The following RASGEF1C variants were observed in gnomAD, a reference collection of about 807,000 sequenced individuals.
The protein encoded by RASGEF1C is RasGEF domain family member 1C, also known as ras-GEF domain-containing family member 1C.
RASGEF1C carries 27 observed loss-of-function variants against 58.1 expected under a neutral mutation model. The ratio of observed to expected loss-of-function variants is 0.46; its 90% CI spans 0.34 to 0.64. The LOEUF (loss-of-function observed/expected upper bound fraction) is 0.64. Among genes scored for constraint, RASGEF1C ranks in the 30% least tolerant of loss-of-function variants. RASGEF1C has a pLI of 0.01. For missense variants in RASGEF1C, 502 were observed against 605.1 expected (o/e 0.83, Z 1.79); for synonymous variants, 243 against 246.3 (o/e 0.99, Z 0.13).
At chr5:180,151,704 C>T (rs548265623) in intron 1 of RASGEF1C, among the ~76,000 whole-genome samples, 164 of 151,856 alleles carry the variant, frequency 1.1e-3, no homozygotes, top group African/African-American at 3.7e-3. Flanking sequence ...CAACAAAAGC[C>T]AAAATTGACA....
chr5:180,159,790 A>G (rs992971355), intron 1 of RASGEF1C, among the ~76,000 whole-genome samples: 1 of 152,142 alleles, frequency 6.6e-6, no homozygotes, highest in Admixed American at 6.5e-5. Context: ...TTGTTTGTTT[A>G]TTTTGACAAA....
chr5:180,122,307 C>T (rs1452008872), intron 6 of RASGEF1C, among the ~76,000 whole-genome samples: 1 of 152,126 alleles, frequency 6.6e-6, no homozygotes, highest in Admixed American at 6.5e-5. Flanking sequence ...CATATATATT[C>T]CCATGCCTTG....
At chr5:180,115,255 C>T (rs1233598023) in intron 10 of RASGEF1C, 3 of 435,530 alleles carry the variant, frequency 6.9e-6, no homozygotes, top group Non-Finnish European at 1.4e-5. Flanking sequence ...ACCTTGTGAT[C>T]TGCTCGCCTC....
chr5:180,103,170 C>A (rs906974636), intron 12 of RASGEF1C, among the ~76,000 whole-genome samples: 2 of 152,148 alleles, frequency 1.3e-5, no homozygotes, highest in African/African-American at 2.4e-5. Context: ...CTCTGCCTCC[C>A]GGGTTCACAC....
rs535917377 is a variant in RASGEF1C at position 180,198,850 on chromosome 5, G to A, written c.-7+10178C>T. Among the ~76,000 whole-genome samples, 1 of 152,228 alleles carries A rather than the reference G, an allele frequency of 6.6e-6. No individual in the cohort carries two copies. The highest frequency in any genetic ancestry group is 2.1e-4 in the South Asian group (1 of 4,824). On this transcript the variant is annotated intron_variant, in intron 1 of 13. Coordinates refer to ENST00000361132, the MANE Select transcript of RASGEF1C (RefSeq NM_175062.4). The surrounding 1 kb of genome is among the most constrained non-coding windows in gnomAD (Gnocchi z 4.5). ...GGGGGTCCTGCATGAAATGAGCCTG[G>A]CAAGGACCTTTGCCAAGAGTAGGAA...
chr5:180,116,041 C>G (rs1766060994), intron 10 of RASGEF1C, among the ~76,000 whole-genome samples: 1 of 152,064 alleles, frequency 6.6e-6, no homozygotes, highest in South Asian at 2.1e-4. Flanking sequence ...CCTCTGGGGC[C>G]TGGTCTGGGC....
chr5:180,208,893 G>T, intron 1 of RASGEF1C, 135 bp downstream of exon 1: 1 of 147,286 alleles, frequency 6.8e-6, no homozygotes, highest in South Asian at 1.9e-4. Context: ...TGCTGACCCC[G>T]GCGCACGCTC....
At chr5:180,193,574 T>C (rs1756207866) in intron 1 of RASGEF1C, among the ~76,000 whole-genome samples, 1 of 151,902 alleles carries the variant, frequency 6.6e-6, no homozygotes, top group Non-Finnish European at 1.5e-5. Flanking sequence ...TCCCATCCCC[T>C]CACAAACCAA....
chr5:180,128,338 C>T (rs1766299327), intron 5 of RASGEF1C, 72 bp downstream of exon 5: 1 of 1,396,552 alleles, frequency 7.2e-7, no homozygotes, highest in South Asian at 1.2e-5. Flanking sequence ...TCTGGGAAGC[C>T]AGGGAGGGCA....
intron 1 of RASGEF1C, among the ~76,000 whole-genome samples, chr5:180,207,427 T>C (rs937598641): frequency 3.3e-5 from 5 of 152,212 alleles, no homozygotes; most frequent in African/African-American, 9.6e-5. Flanking sequence ...CCAAGGCCCC[T>C]TGGACAAATG....
At position 180,101,164 on chromosome 5, in the gene RASGEF1C, C is replaced by G. The variant is rs959166322; in HGVS notation, c.*337G>C. The stretch of plus-strand genomic sequence containing the variant: ...TGGCACATGTCACCAAGCAAGGTCT[C>G]GAGCTTGCAGTGGTCCCACCCTCTG... On this transcript the variant is annotated 3_prime_UTR_variant, in exon 14 of 14. Coordinates refer to ENST00000361132, the MANE Select transcript of RASGEF1C (RefSeq NM_175062.4). 9.1e-6 allele frequency: 3 copies of G among 330,270 alleles called. No individual in the cohort carries two copies. Among genetic ancestry groups the G allele is most frequent in the East Asian group, 5.0e-5 (1 of 20,156 alleles). The allele number at this position is 330,270 out of a possible 1,614,324, so 20.5% of individuals were successfully genotyped here. A position where few individuals can be genotyped will look rare whatever the true frequency, so the allele number is the denominator to read the frequency against.
intron 12 of RASGEF1C, among the ~76,000 whole-genome samples, chr5:180,107,236 G>A (rs898798170): frequency 9.2e-5 from 14 of 152,030 alleles, no homozygotes; most frequent in Non-Finnish European, 1.5e-4. Context: ...CTTTTACTTG[G>A]TGTATTTAGA....
chr5:180,173,796 C>T (rs1481675151), intron 1 of RASGEF1C, among the ~76,000 whole-genome samples: 3 of 151,896 alleles, frequency 2.0e-5, no homozygotes, highest in African/African-American at 7.3e-5. Context: ...GCCTGTAATC[C>T]CAGCTGCTAG....
rs372421247 is a variant in RASGEF1C, at chr5:180,119,394, G to A, written c.859C>T (p.Arg287Cys). 140 of 1,614,126 alleles carry A rather than the reference G, an allele frequency of 8.7e-5. No individual in the cohort carries two copies. The highest frequency in any genetic ancestry group is 1.1e-4 in the Non-Finnish European group (127 of 1,179,976). ...QVIEFFIDVA[R>C]ECFNIGNFNS... ...AAGTTGCCGATGTTGAAGCACTCGC[G>A]GGCCACGTCGATGAAGAACTCAATC... The change falls in exon 8 of 14, where the codon CGC (arginine) becomes TGC (cysteine). Residue 287 changes from arginine to cysteine, a missense_variant. Arg to Cys is a radical substitution (Grantham distance 180). Coordinates refer to ENST00000361132, the MANE Select transcript of RASGEF1C (RefSeq NM_175062.4).
chr5:180,139,749 G>A (rs777733483), intron 1 of RASGEF1C, among the ~76,000 whole-genome samples: 5 of 152,258 alleles, frequency 3.3e-5, no homozygotes, highest in African/African-American at 4.8e-5. Flanking sequence ...CACATGCTCA[G>A]TGGGAGGGGG....
At chr5:180,136,746 G>C (rs367603069) in intron 3 of RASGEF1C, 114 of 558,416 alleles carry the variant, frequency 2.0e-4, no homozygotes, top group African/African-American at 1.4e-3. Flanking sequence ...TGCGGTTGAC[G>C]GCTCCATCCT....
At chr5:180,136,313 G>A (rs1330691960) in intron 4 of RASGEF1C, 65 bp downstream of exon 4, 3 of 1,485,182 alleles carry the variant, frequency 2.0e-6, no homozygotes, top group South Asian at 2.6e-5. Context: ...GGTGCGGGCC[G>A]GGAACAGGCG....
intron 1 of RASGEF1C, among the ~76,000 whole-genome samples, chr5:180,206,447 A>G (rs1367962006): frequency 1.3e-5 from 2 of 152,224 alleles, no homozygotes; most frequent in African/African-American, 2.4e-5. Context: ...TCAGCTCTCA[A>G]ACCAGCGAGG....
intron 12 of RASGEF1C, among the ~76,000 whole-genome samples, chr5:180,104,251 A>T (rs76996809): frequency 0.01 from 1,590 of 152,300 alleles, 40 homozygotes; most frequent in African/African-American, 0.037. Context: ...GTTAACTAAC[A>T]GGTGGGGTCT....
Sources: allele counts gnomAD v4.1 joint callset (sites outside exome capture counted in the v4.1 genomes callset), GRCh38; gene constraint gnomAD v4.1.1; non-coding constraint Gnocchi (gnomAD v3.1); transcripts MANE v1.5; gene names NCBI Gene and HGNC (gene_info 2026-07-23, HGNC 2026-07-21).